The following CAMTA1 variants were observed in gnomAD, a reference collection of about 807,000 sequenced individuals.
CAMTA1 encodes the protein calmodulin-binding transcription activator 1.
In CAMTA1, 27 loss-of-function variants were observed where a neutral mutation model predicts 170.9. The ratio of observed to expected loss-of-function variants is 0.16; its 90% CI spans 0.12 to 0.22. CAMTA1 has a LOEUF of 0.22. CAMTA1 is among the 10% of genes least tolerant of loss of function. The probability of loss-of-function intolerance (pLI) is 1.00; values close to 1 mark genes in which losing one functional copy is unlikely to be tolerated. For synonymous variants in CAMTA1, 833 were observed against 891.5 expected (o/e 0.93, Z 1.17); for missense variants, 1,619 against 2,217.2 (o/e 0.73, Z 5.42).
At chr1:7,451,422 G>A (rs1414421633) in intron 5 of CAMTA1, among the ~76,000 whole-genome samples, 2 of 152,140 alleles carry the variant, frequency 1.3e-5, no homozygotes, top group African/African-American at 2.4e-5. Flanking sequence ...ACTGCCTACG[G>A]AGGGTCACAG....
intron 5 of CAMTA1, among the ~76,000 whole-genome samples, chr1:7,416,867 G>GT (rs1355785825): frequency 5.3e-5 from 8 of 152,112 alleles, no homozygotes; most frequent in Non-Finnish European, 1.2e-4. Flanking sequence ...TTTCTGCTCT[G>GT]TTTTTTCCCC....
At position 7,062,731 on chromosome 1, in the gene CAMTA1, T is replaced by C. The variant is rs1195764022; in HGVS notation, c.235-28573T>C. Among the ~76,000 whole-genome samples, 4 of 152,200 alleles carry C rather than the reference T, an allele frequency of 2.6e-5. No individual in the cohort carries two copies. The East Asian group carries it at 7.7e-4, about 29-fold the overall frequency. ...TACCCAACAGAAATGCACCCTCTCA[T>C]AGTTCCCGAGGCCCGACCTCCAAGT... On this transcript the variant is annotated intron_variant, in intron 3 of 22. Transcript: ENST00000303635.
chr1:7,169,631 C>G (rs1394082899), intron 4 of CAMTA1, among the ~76,000 whole-genome samples: 1 of 152,172 alleles, frequency 6.6e-6, no homozygotes, highest in Non-Finnish European at 1.5e-5. Context: ...CCTGCCTCAG[C>G]CTCCTGAGTA....
At chr1:7,730,023 G>A (rs1214690109) in intron 11 of CAMTA1, among the ~76,000 whole-genome samples, 3 of 152,216 alleles carry the variant, frequency 2.0e-5, no homozygotes, top group Non-Finnish European at 4.4e-5. Flanking sequence ...GGTCACAGCT[G>A]TTCAGTCAGC....
chr1:7,596,959 G>T (rs562085983), intron 6 of CAMTA1, among the ~76,000 whole-genome samples: 1 of 151,980 alleles, frequency 6.6e-6, no homozygotes, highest in Non-Finnish European at 1.5e-5. Context: ...CCCCCTGGCA[G>T]CCCAGGAGAC....
intron 6 of CAMTA1, among the ~76,000 whole-genome samples, chr1:7,560,154 G>T (rs778167472): frequency 2.6e-4 from 39 of 152,212 alleles, no homozygotes; most frequent in Non-Finnish European, 5.3e-4. Flanking sequence ...TCCTATCCTT[G>T]TCCCTGGTCC....
intron 6 of CAMTA1, among the ~76,000 whole-genome samples, chr1:7,638,032 C>T (rs2095728404): frequency 6.6e-6 from 1 of 152,194 alleles, no homozygotes; most frequent in Admixed American, 6.5e-5. Context: ...ATGCCAGTCT[C>T]CTTTCTTACA....
Position 7,117,629 on chromosome 1 carries a change from C to T in CAMTA1, c.302+26258C>T, listed in dbSNP as rs77871638. 9.8e-5 allele frequency among the ~76,000 whole-genome samples: 15 copies of T among 152,324 alleles called. No homozygotes were observed. The East Asian group carries it at 2.7e-3, about 27-fold the overall frequency. On this transcript the variant is annotated intron_variant, in intron 4 of 22. Coordinates refer to ENST00000303635, the MANE Select transcript of CAMTA1 (RefSeq NM_015215.4). Reference sequence around the variant, plus strand: ...GCTCCCCCCTAGTGGGCACGGGTGACTCTAGCACACCACTGCCTACTGCCT... The same window carrying T: ...GCTCCCCCCTAGTGGGCACGGGTGATTCTAGCACACCACTGCCTACTGCCT...
intron 5 of CAMTA1, among the ~76,000 whole-genome samples, chr1:7,272,942 A>G (rs1670064776): frequency 6.6e-6 from 1 of 152,210 alleles, no homozygotes; most frequent in Admixed American, 6.5e-5. Context: ...ATGGACACAT[A>G]ATTTGAATAG....
At chr1:7,358,911 G>A (rs1321044955) in intron 5 of CAMTA1, among the ~76,000 whole-genome samples, 1 of 152,112 alleles carries the variant, frequency 6.6e-6, no homozygotes, top group East Asian at 1.9e-4. Flanking sequence ...GGCAGCAAGG[G>A]TTGAGAAAGA....
chr1:6,838,651 T>C (rs1431372970), intron 3 of CAMTA1, among the ~76,000 whole-genome samples: 1 of 152,096 alleles, frequency 6.6e-6, no homozygotes, highest in Non-Finnish European at 1.5e-5. Flanking sequence ...TCTATATTTA[T>C]TAACCCAGAA....
chr1:7,659,382 A>G (rs2095934417), intron 7 of CAMTA1, among the ~76,000 whole-genome samples: 1 of 152,050 alleles, frequency 6.6e-6, no homozygotes. Flanking sequence ...AAAAATACAA[A>G]AATTAGCCAG....
chr1:6,785,513 G>A lies in CAMTA1; in HGVS notation c.-18G>A. On this transcript the variant is annotated 5_prime_UTR_variant, in exon 1 of 23. Coordinates refer to ENST00000303635, the MANE Select transcript of CAMTA1 (RefSeq NM_015215.4). ...TACGAGGCGCGCGCTCGGGGTCCCG[G>A]TCGCGAGGAGGAGGAGGATGTGGCG... is the stretch of plus-strand genomic sequence containing the variant. The A allele has an allele frequency of 9.5e-7, 1 of 1,050,586 alleles. No individual in the cohort carries two copies. Among genetic ancestry groups the A allele is most frequent in the Admixed American group, 5.2e-5 (1 of 19,144 alleles). The allele number at this position is 1,050,586 out of a possible 1,614,324, so 65.1% of individuals were successfully genotyped here.
At position 7,358,190 on chromosome 1, in the gene CAMTA1, G is replaced by A. The variant is rs80064743; in HGVS notation, c.438+108564G>A. ...TCACTGGGGCTACAAAAAGCCCCAC[G>A]TCCTCCCTTTTTTCCTCTGGTACCG... On this transcript the variant is annotated intron_variant, in intron 5 of 22. Transcript: ENST00000303635. Among the ~76,000 whole-genome samples, 536 of 152,324 alleles carry A rather than the reference G, an allele frequency of 3.5e-3. 1 individual carries two copies. Among genetic ancestry groups the A allele is most frequent in the African/African-American group, 0.012 (493 of 41,582 alleles).
At chr1:6,856,923 A>AGAG (rs2148860804) in intron 3 of CAMTA1, among the ~76,000 whole-genome samples, 1 of 152,154 alleles carries the variant, frequency 6.6e-6, no homozygotes, top group South Asian at 2.1e-4. Flanking sequence ...GGAGGTCTCT[A>AGAG]GAGGGTAGGG....
In CAMTA1 at chr1:7,738,125, A is replaced by G. The variant is rs2150008995; in HGVS notation, c.3825A>G (p.Gln1275=). The G allele has an allele frequency of 3.7e-6, 6 of 1,614,094 alleles. No homozygotes were observed. The highest frequency in any genetic ancestry group is 5.1e-6 in the Non-Finnish European group (6 of 1,180,004). The change falls in exon 16 of 23, where the codon CAA becomes CAG. Residue 1275 remains glutamine (Q), a synonymous_variant. Transcript: ENST00000303635. The surrounding 1 kb of genome is among the most constrained non-coding windows in gnomAD (Gnocchi z 4.9). ...LSLEEPNIRK[Q]SPSSKQSVPE... Reference sequence around the variant, plus strand: ...TGGAAGAGCCAAATATCAGGAAGCAAAGCCCTAGTTCTAAGCAGTCTGTCC... The same window carrying G: ...TGGAAGAGCCAAATATCAGGAAGCAGAGCCCTAGTTCTAAGCAGTCTGTCC...
At chr1:7,272,712 A>AAAAAAAAAAAAAAAAAAAAAAAAAG (rs1670017608) in intron 5 of CAMTA1, among the ~76,000 whole-genome samples, 19 of 109,880 alleles carry the variant, frequency 1.7e-4, no homozygotes, top group Non-Finnish European at 3.0e-4. Context: ...AAAAAAAAAA[A>AAAAAAAAAAAAAAAAAAAAAAAAAG]AAAAGAAAAG....
chr1:6,823,417 C>T (rs1023075610), intron 2 of CAMTA1, among the ~76,000 whole-genome samples: 1 of 152,028 alleles, frequency 6.6e-6, no homozygotes, highest in African/African-American at 2.4e-5. Context: ...TCTTATTTTC[C>T]TATTAAATTA....
chr1:7,490,645 T>G (rs1161110302), intron 6 of CAMTA1, among the ~76,000 whole-genome samples: 5 of 112,682 alleles, frequency 4.4e-5, no homozygotes, highest in Non-Finnish European at 9.0e-5. Context: ...AGAGCGAAAC[T>G]CCATCTCAAA....
Sources: allele counts gnomAD v4.1 joint callset (sites outside exome capture counted in the v4.1 genomes callset), GRCh38; gene constraint gnomAD v4.1.1; non-coding constraint Gnocchi (gnomAD v3.1); transcripts MANE v1.5; gene names NCBI Gene and HGNC (gene_info 2026-07-23, HGNC 2026-07-21).